TMA16: variants seen among roughly 807,000 people sequenced by gnomAD.
TMA16 encodes the protein translation machinery associated 16 homolog, also known as translation machinery-associated protein 16.
In TMA16, 26 loss-of-function variants were observed where a neutral mutation model predicts 27.1. That is an observed-to-expected ratio of 0.96 (90% CI 0.70 to 1.33). The LOEUF (loss-of-function observed/expected upper bound fraction) is 1.33. TMA16 is among the 40% of genes most tolerant of loss of function. The pLI is 0.00. For synonymous variants in TMA16, 71 were observed against 81.9 expected (o/e 0.87, Z 0.72); for missense variants, 233 against 241.4 (o/e 0.97, Z 0.23).
Position 163,519,386 on chromosome 4 carries a change from T to C in TMA16, c.484T>C (p.Cys162Arg), listed in dbSNP as rs1737934682. The change falls in exon 7 of 7, where the codon TGC becomes CGC. Residue 162 changes from cysteine (C) to arginine (R), a missense_variant. Coordinates refer to ENST00000358572, the MANE Select transcript of TMA16 (RefSeq NM_018352.3). ...KLPNIKMRKI[C>R]ANDAIPKTCK... ...ACCAAACATTAAAATGAGAAAAATT[T>C]GCGCTAATGATGCAATTCCCAAGAC... 6.2e-7 allele frequency: 1 copy of C among 1,606,150 alleles called. No individual in the cohort carries two copies. The highest frequency in any genetic ancestry group is 8.5e-7 in the Non-Finnish European group (1 of 1,177,284).
rs200835739 is a variant in TMA16 at position 163,515,379 on chromosome 4, G to A, written c.306G>A (p.Gln102=). The change falls in exon 5 of 7, where the codon CAG becomes CAA. Residue 102 remains glutamine (Q), a synonymous_variant. Coordinates refer to ENST00000358572, the MANE Select transcript of TMA16 (RefSeq NM_018352.3). ...TACATAACAGTATCAGGGACAGGCA[G>A]GGGAGGCGGCACTGTTCCCGGGAGA... ...IELHNSIRDR[Q]GRRHCSRETV... is the part of the protein sequence containing the mutation. 102 of 1,613,992 alleles carry A rather than the reference G, an allele frequency of 6.3e-5. 1 individual carries two copies. The highest frequency in any genetic ancestry group is 7.7e-5 in the Non-Finnish European group (91 of 1,180,012).
At chr4:163,509,187 G>T (rs548316758) in intron 2 of TMA16, among the ~76,000 whole-genome samples, 1 of 152,088 alleles carries the variant, frequency 6.6e-6, no homozygotes, top group African/African-American at 2.4e-5. Flanking sequence ...CAGTAACCAC[G>T]AGTCATACTT....
At chr4:163,504,256 T>G (rs1737688637) in intron 1 of TMA16, among the ~76,000 whole-genome samples, 2 of 152,240 alleles carry the variant, frequency 1.3e-5, no homozygotes, top group African/African-American at 2.4e-5. Flanking sequence ...ATCAGATCTC[T>G]TTTCACAGGA....
chr4:163,499,357 A>G (rs917222358), intron 1 of TMA16, among the ~76,000 whole-genome samples: 2 of 152,110 alleles, frequency 1.3e-5, no homozygotes, highest in Non-Finnish European at 1.5e-5. Flanking sequence ...ATTTTATATA[A>G]TGTTTAGAAA....
At chr4:163,512,402 A>G (rs1737812236) in intron 2 of TMA16, 1 of 153,892 alleles carries the variant, frequency 6.5e-6, no homozygotes, top group Non-Finnish European at 1.4e-5. Flanking sequence ...GAAAGTAACC[A>G]TTCTGTTTTG....
intron 4 of TMA16, among the ~76,000 whole-genome samples, chr4:163,515,023 G>C (rs561277223): frequency 6.6e-6 from 1 of 152,112 alleles, no homozygotes; most frequent in African/African-American, 2.4e-5. Flanking sequence ...GTGATGACAA[G>C]TTCAGTTTTG....
Position 163,520,132 on chromosome 4 carries a change from G to A in TMA16, c.*618G>A. 2.3e-6 allele frequency: 1 copy of A among 441,228 alleles called. No individual in the cohort carries two copies. Among genetic ancestry groups the A allele is most frequent in the East Asian group, 4.3e-5 (1 of 23,182 alleles). 27.3% of individuals were successfully genotyped at this position (441,228 alleles called of 1,614,324 possible). A position where few individuals can be genotyped will look rare whatever the true frequency, so the allele number is the denominator to read the frequency against. ...CAATTAATTTATCTTTTGACAAAGG[G>A]GATAAAGAGTTTCAGTTTAGCTCCT... On this transcript the variant is annotated 3_prime_UTR_variant, in exon 7 of 7. Transcript: ENST00000358572.
intron 5 of TMA16, chr4:163,516,149 C>G (rs985327324): frequency 6.6e-6 from 1 of 152,320 alleles, no homozygotes; most frequent in African/African-American, 2.4e-5. Flanking sequence ...CAGTATTTAT[C>G]AGAGCACATC....
In TMA16 at chr4:163,520,079, C is replaced by T; in HGVS notation, c.*565C>T. ...AGCTAAATGGTAAAAGAAAAAAAAT[C>T]AGTGATGATTGTTATGTTGATCTCC... On this transcript the variant is annotated 3_prime_UTR_variant, in exon 7 of 7. Transcript: ENST00000358572. 1 of 563,640 alleles carries T rather than the reference C, an allele frequency of 1.8e-6. No individual in the cohort carries two copies. The allele number at this position is 563,640 out of a possible 1,614,324, so 34.9% of individuals were successfully genotyped here.
intron 5 of TMA16, chr4:163,515,769 A>G: frequency 4.9e-6 from 1 of 202,804 alleles, no homozygotes. Context: ...GCAGTATCAC[A>G]TATGGATTTC....
chr4:163,498,509 G>T (rs933505607), intron 1 of TMA16, among the ~76,000 whole-genome samples: 3 of 151,784 alleles, frequency 2.0e-5, no homozygotes, highest in African/African-American at 7.3e-5. Flanking sequence ...GGATGGTCTC[G>T]ATCTCCTGAC....
intron 1 of TMA16, among the ~76,000 whole-genome samples, chr4:163,505,184 C>G (rs1737703451): frequency 6.6e-6 from 1 of 152,146 alleles, no homozygotes; most frequent in Admixed American, 6.5e-5. Context: ...GCCAAATGTC[C>G]TGAAAGTTTT....
chr4:163,513,894 A>G (rs1012663890), intron 3 of TMA16, among the ~76,000 whole-genome samples, 180 bp from the exon 4 acceptor site: 18 of 152,176 alleles, frequency 1.2e-4, no homozygotes, highest in Non-Finnish European at 2.6e-4. Flanking sequence ...TTAAAATCTG[A>G]CAGTTTAATT....
intron 1 of TMA16, among the ~76,000 whole-genome samples, chr4:163,504,540 C>T (rs1341439123): frequency 6.6e-6 from 1 of 152,150 alleles, no homozygotes; most frequent in East Asian, 1.9e-4. Flanking sequence ...CCCTGTTGCC[C>T]AGGCTAGAGT....
chr4:163,506,451 A>T (rs1479049135), intron 1 of TMA16, among the ~76,000 whole-genome samples: 1 of 152,192 alleles, frequency 6.6e-6, no homozygotes, highest in Non-Finnish European at 1.5e-5. Flanking sequence ...TGGAGGACCT[A>T]ATGAATTGTG....
chr4:163,511,457 G>A (rs143250835), intron 2 of TMA16, among the ~76,000 whole-genome samples: 2,009 of 152,096 alleles, frequency 0.013, 163 homozygotes, highest in Admixed American at 0.12. Context: ...CTAGATACAA[G>A]TCCTTTGTTA....
chr4:163,496,104 T>A (rs566137818), intron 1 of TMA16, among the ~76,000 whole-genome samples: 30 of 152,338 alleles, frequency 2.0e-4, no homozygotes, highest in Middle Eastern at 3.4e-3. Flanking sequence ...CATATGAACC[T>A]GTTTTCATTG....
intron 5 of TMA16, 139 bp from the exon 6 acceptor site, chr4:163,517,295 T>G: frequency 1.3e-6 from 1 of 762,832 alleles, no homozygotes; most frequent in South Asian, 1.7e-5. Context: ...CTTTTGCAAA[T>G]TTTTCATGTT....
At position 163,519,878 on chromosome 4, in the gene TMA16, C is replaced by A; in HGVS notation, c.*364C>A. 1 of 528,042 alleles carries A rather than the reference C, an allele frequency of 1.9e-6. No individual in the cohort carries two copies. Among genetic ancestry groups the A allele is most frequent in the South Asian group, 2.0e-5 (1 of 49,964 alleles). The allele number at this position is 528,042 out of a possible 1,614,324, so 32.7% of individuals were successfully genotyped here. A position where few individuals can be genotyped will look rare whatever the true frequency, so the allele number is the denominator to read the frequency against. On this transcript the variant is annotated 3_prime_UTR_variant, in exon 7 of 7. Transcript: ENST00000358572. The stretch of plus-strand genomic sequence containing the variant: ...ACAGTAACCTGTTTCCTGAAAGATT[C>A]CTGTGGGTACTTTTTGAGCTGTGAT...
Sources: allele counts gnomAD v4.1 joint callset (sites outside exome capture counted in the v4.1 genomes callset), GRCh38; gene constraint gnomAD v4.1.1; transcripts MANE v1.5; gene names NCBI Gene and HGNC (gene_info 2026-07-23, HGNC 2026-07-21).